The following CHD1 variants were observed in gnomAD, a reference collection of about 807,000 sequenced individuals.
CHD1 encodes the protein chromodomain helicase DNA binding protein 1, also known as ATP-dependent chromatin remodeler CHD1.
CHD1 carries 36 observed loss-of-function variants against 224.2 expected under a neutral mutation model. The ratio of observed to expected loss-of-function variants is 0.16; its 90% CI spans 0.12 to 0.21. The LOEUF is 0.21. Among genes scored for constraint, CHD1 ranks in the 10% least tolerant of loss-of-function variants. The probability of loss-of-function intolerance (pLI) is 1.00; values close to 1 mark genes in which losing one functional copy is unlikely to be tolerated. For synonymous variants in CHD1, 668 were observed against 658.3 expected (o/e 1.01, Z -0.23); for missense variants, 1,378 against 1,994.8 (o/e 0.69, Z 5.89).
intron 2 of CHD1, among the ~76,000 whole-genome samples, chr5:98,911,146 A>ATCTAT (rs1554081078): frequency 5.1e-5 from 2 of 39,132 alleles, no homozygotes; most frequent in South Asian, 1.1e-3. Context: ...AAAAAAAAAA[A>ATCTAT]ATATATATAT....
chr5:98,915,641 A>T (rs1752684652), intron 2 of CHD1, among the ~76,000 whole-genome samples: 1 of 152,226 alleles, frequency 6.6e-6, no homozygotes, highest in African/African-American at 2.4e-5. Context: ...ATTTATAGTT[A>T]CAACAACAAG....
intron 17 of CHD1, 48 bp downstream of exon 17, chr5:98,888,040 A>G (rs747470434): frequency 2.0e-5 from 25 of 1,253,992 alleles, no homozygotes; most frequent in Admixed American, 9.1e-5. Flanking sequence ...TAAAATATGC[A>G]CAGGAATTAG....
intron 32 of CHD1, among the ~76,000 whole-genome samples, chr5:98,862,097 C>T (rs1336753481): frequency 6.6e-6 from 1 of 152,078 alleles, no homozygotes; most frequent in Non-Finnish European, 1.5e-5. Flanking sequence ...GCGGAGGATG[C>T]AGCGAGCTGA....
chr5:98,900,282 A>C (rs1386022215), intron 7 of CHD1, among the ~76,000 whole-genome samples: 5 of 68,200 alleles, frequency 7.3e-5, no homozygotes, highest in Non-Finnish European at 1.5e-4. Flanking sequence ...ATTCTGTCAC[A>C]AAAAAAAAAA....
rs1298706280 is a variant in CHD1, at chr5:98,928,801, A to AGTC, written c.-414_-412dup. 9 of 158,938 alleles carry AGTC rather than the reference A, an allele frequency of 5.7e-5. No homozygotes were observed. Among genetic ancestry groups the AGTC allele is most frequent in the South Asian group, 1.6e-4 (1 of 6,234 alleles). 9.8% of individuals were successfully genotyped at this position (158,938 alleles called of 1,614,324 possible). ...AGGGCAGCAAGAGCTATAAGTAACCAGTCGTCGCCGCCGCCGCCGCCGCCG... is the reference window on the plus strand; with the variant it reads ...AGGGCAGCAAGAGCTATAAGTAACCAGTCGTCGTCGCCGCCGCCGCCGCCGCCG... On this transcript the variant is annotated 5_prime_UTR_variant, in exon 1 of 36. Coordinates refer to ENST00000614616, the MANE Select transcript of CHD1 (RefSeq NM_001270.4).
In CHD1 at chr5:98,859,986, G is replaced by A. The variant is rs779411940; in HGVS notation, c.4510C>T (p.Arg1504Trp). The change falls in exon 33 of 36, where the codon CGG becomes TGG. Residue 1504 changes from arginine (R) to tryptophan (W), a missense_variant. Transcript: ENST00000614616. ...GTCAAGTTTACCTGAGACTCCTGCC[G>A]TTTTTTAATAGCATGCTTATATAAT... Reference protein sequence around the residue: ...HKLYKHAIKKRQESQQNSDQN... With the variant: ...HKLYKHAIKKWQESQQNSDQN... 9 of 1,515,678 alleles carry A rather than the reference G, an allele frequency of 5.9e-6. No individual in the cohort carries two copies. Among genetic ancestry groups the A allele is most frequent in the South Asian group, 2.5e-5 (2 of 79,708 alleles). 93.9% of individuals were successfully genotyped at this position (1,515,678 alleles called of 1,614,324 possible). A position where few individuals can be genotyped will look rare whatever the true frequency, so the allele number is the denominator to read the frequency against.
At chr5:98,902,795 GAATT>G (rs1751804394) in intron 5 of CHD1, 101 bp downstream of exon 5, 1 of 628,398 alleles carries the variant, frequency 1.6e-6, no homozygotes. Flanking sequence ...CATGAACTAA[GAATT>G]TAGAAGAGTC....
rs755034632 is a variant in CHD1 at position 98,854,222 on chromosome 5, CAT to C, written c.*2156_*2157del. ...CATATTTTATCATTTGATAAATGTA[CAT>C]ACAGTTCTATATTTTTCATTCAACT... On this transcript the variant is annotated 3_prime_UTR_variant, in exon 36 of 36. Transcript: ENST00000614616. The C allele has an allele frequency of 5.9e-5, 9 of 151,962 alleles. No individual in the cohort carries two copies. Among genetic ancestry groups the C allele is most frequent in the Admixed American group, 1.3e-4 (2 of 15,268 alleles). The allele number at this position is 151,962 out of a possible 1,614,324, so 9.4% of individuals were successfully genotyped here. A position where few individuals can be genotyped will look rare whatever the true frequency, so the allele number is the denominator to read the frequency against.
chr5:98,890,275 C>G (rs760391426), intron 15 of CHD1, among the ~76,000 whole-genome samples: 23 of 152,100 alleles, frequency 1.5e-4, no homozygotes, highest in Non-Finnish European at 2.8e-4. Context: ...TTGAAAGTCT[C>G]AAATATCTAG....
intron 11 of CHD1, 87 bp downstream of exon 11, chr5:98,897,106 C>T: frequency 3.0e-6 from 4 of 1,321,152 alleles, no homozygotes; most frequent in Non-Finnish European, 4.3e-6. Flanking sequence ...GAGTCTTATT[C>T]TTTATGTAAA....
rs548292068 is a variant in CHD1 at position 98,916,522 on chromosome 5, G to A, written c.53+9812C>T. ...ATTGCAACATTGCACTCCAGTCTGG[G>A]CAACAAGAGTGAAACTCCGTCTCAA... On this transcript the variant is annotated intron_variant, in intron 2 of 35. Transcript: ENST00000614616. 2.5e-5 allele frequency among the ~76,000 whole-genome samples: 3 copies of A among 117,892 alleles called. No individual in the cohort carries two copies. The South Asian group carries it at 7.8e-4, about 31-fold the overall frequency. 77.3% of individuals were successfully genotyped at this position (117,892 alleles called of 152,430 possible).
chr5:98,875,171 T>TG, intron 24 of CHD1, 58 bp from the exon 25 acceptor site: 1 of 922,400 alleles, frequency 1.1e-6, no homozygotes, highest in Non-Finnish European at 1.7e-6. Context: ...AAATTATACG[T>TG]ATTTCTGATA....
At chr5:98,899,430 T>C (rs770052581) in intron 8 of CHD1, 50 bp downstream of exon 8, 1 of 1,124,362 alleles carries the variant, frequency 8.9e-7, no homozygotes, top group Non-Finnish European at 1.3e-6. Context: ...CATAAAGGTT[T>C]AGTAATCTTT....
At position 98,906,059 on chromosome 5, in the gene CHD1, G is replaced by C. The variant is rs928381279; in HGVS notation, c.54-961C>G. Among the ~76,000 whole-genome samples the C allele has an allele frequency of 1.3e-3, 196 of 152,208 alleles. 2 individuals are homozygous for C. The highest frequency in any genetic ancestry group is 6.8e-4 in the Non-Finnish European group (46 of 67,978). ...TCTGTAATTTTCTAAAATGCCACCA[G>C]ATGGAGGTATTACTCTAAGACAACA... On this transcript the variant is annotated intron_variant, in intron 2 of 35. Transcript: ENST00000614616.
chr5:98,904,809 C>G, intron 3 of CHD1, 88 bp downstream of exon 3: 1 of 1,140,878 alleles, frequency 8.8e-7, no homozygotes, highest in Non-Finnish European at 1.3e-6. Context: ...TCTCTAAAAG[C>G]TAGATTAAGA....
Position 98,876,573 on chromosome 5 carries a change from T to A in CHD1, c.3238-15A>T. ...TTGAAACTAATCTGGAATTGGAAAATATTTACCCAACCTTAGTGTAAAAAC... is the reference window on the plus strand; with the variant it reads ...TTGAAACTAATCTGGAATTGGAAAAAATTTACCCAACCTTAGTGTAAAAAC... On this transcript the variant is annotated splice_polypyrimidine_tract_variant and intron_variant, in intron 23 of 35. Coordinates refer to ENST00000614616, the MANE Select transcript of CHD1 (RefSeq NM_001270.4). 1 of 1,610,824 alleles carries A rather than the reference T, an allele frequency of 6.2e-7. No individual in the cohort carries two copies. Among genetic ancestry groups the A allele is most frequent in the Non-Finnish European group, 8.5e-7 (1 of 1,177,646 alleles).
intron 34 of CHD1, 103 bp downstream of exon 34, chr5:98,858,861 T>C: frequency 1.5e-6 from 1 of 647,650 alleles, no homozygotes; most frequent in Non-Finnish European, 2.5e-6. Flanking sequence ...TACTTATAAA[T>C]AAAAACAAGG....
At chr5:98,894,045 G>A (rs1005673521) in intron 13 of CHD1, among the ~76,000 whole-genome samples, 5 of 152,136 alleles carry the variant, frequency 3.3e-5, no homozygotes, top group African/African-American at 4.8e-5. Context: ...CTTAAACTTA[G>A]GTCTCTGAGT....
At position 98,855,380 on chromosome 5, in the gene CHD1, T is replaced by C. The variant is rs1051653985; in HGVS notation, c.*1000A>G. On this transcript the variant is annotated 3_prime_UTR_variant, in exon 36 of 36. Coordinates refer to ENST00000614616, the MANE Select transcript of CHD1 (RefSeq NM_001270.4). ...AAAACAAACGGATTTACAATAACTT[T>C]TGGCCGTTTTGGATTCTGAAAAGTG... 6.6e-6 allele frequency: 1 copy of C among 152,608 alleles called. No individual in the cohort carries two copies. Among genetic ancestry groups the C allele is most frequent in the Admixed American group, 6.6e-5 (1 of 15,266 alleles). 9.5% of individuals were successfully genotyped at this position (152,608 alleles called of 1,614,324 possible). A position where few individuals can be genotyped will look rare whatever the true frequency, so the allele number is the denominator to read the frequency against.
Sources: gnomAD v4.1 joint callset for allele counts (sites outside exome capture counted in the v4.1 genomes callset) on GRCh38, gnomAD v4.1.1 for gene constraint, MANE v1.5 for transcripts, NCBI Gene and HGNC (gene_info 2026-07-23, HGNC 2026-07-21) for gene names.